The following FSTL5 variants were observed in gnomAD, a reference collection of about 807,000 sequenced individuals.
The protein encoded by FSTL5 is follistatin-related protein 5.
A neutral mutation model predicts 89.1 loss-of-function variants in FSTL5; 62 were observed. The ratio of observed to expected loss-of-function variants is 0.70; its 90% confidence interval spans 0.57 to 0.86. FSTL5 has a LOEUF of 0.86. Ranked by LOEUF, FSTL5 falls within the 40% of genes least tolerant of loss-of-function variation. The pLI, the probability that FSTL5 is intolerant of heterozygous loss-of-function variation, is 0.00. For missense variants in FSTL5, 1,057 were observed against 1,001.6 expected (o/e 1.06, Z -0.75); for synonymous variants, 383 against 346.2 (o/e 1.11, Z -1.18).
intron 4 of FSTL5, among the ~76,000 whole-genome samples, chr4:161,809,858 G>C (rs936704730): frequency 6.6e-6 from 1 of 152,150 alleles, no homozygotes; most frequent in East Asian, 1.9e-4. Flanking sequence ...ATATTTAATA[G>C]GTATAGAGTT....
At chr4:161,571,063 C>T (rs1732989979) in intron 8 of FSTL5, among the ~76,000 whole-genome samples, 1 of 151,618 alleles carries the variant, frequency 6.6e-6, no homozygotes, top group Admixed American at 6.6e-5. Flanking sequence ...GAGCCAAGAT[C>T]ACGCCACTGC....
At chr4:161,526,248 GAAATTATATTTAC>G (rs1731215629) in intron 10 of FSTL5, among the ~76,000 whole-genome samples, 1 of 152,100 alleles carries the variant, frequency 6.6e-6, no homozygotes, top group Admixed American at 6.6e-5. Flanking sequence ...TTTATAGTAA[GAAATTATATTTAC>G]AAACACAATT....
intron 6 of FSTL5, among the ~76,000 whole-genome samples, chr4:161,692,228 C>G (rs1363064800): frequency 6.6e-6 from 1 of 151,810 alleles, no homozygotes; most frequent in East Asian, 1.9e-4. Flanking sequence ...CATAAATATT[C>G]TTTATCACAT....
intron 3 of FSTL5, among the ~76,000 whole-genome samples, chr4:161,941,562 A>G (rs1734585884): frequency 1.3e-5 from 2 of 151,916 alleles, no homozygotes; most frequent in Non-Finnish European, 2.9e-5. Flanking sequence ...TAAGAACATT[A>G]TATATTGGTA....
intron 2 of FSTL5, among the ~76,000 whole-genome samples, chr4:162,099,913 A>C (rs138423608): frequency 3.9e-5 from 6 of 151,914 alleles, no homozygotes; most frequent in African/African-American, 1.5e-4. Flanking sequence ...AATACTGACA[A>C]CACCAAATGC....
intron 4 of FSTL5, among the ~76,000 whole-genome samples, chr4:161,848,045 A>AAC (rs1368245523): frequency 6.8e-6 from 1 of 147,646 alleles, no homozygotes; most frequent in African/African-American, 2.6e-5. Context: ...TCAAAAAAAA[A>AAC]AAAAAAAAAA....
At chr4:161,988,270 A>G (rs1190602086) in intron 3 of FSTL5, among the ~76,000 whole-genome samples, 1 of 152,138 alleles carries the variant, frequency 6.6e-6, no homozygotes, top group Non-Finnish European at 1.5e-5. Flanking sequence ...AAATGGGAAA[A>G]TCACAGATAG....
chr4:161,696,504 GA>G (rs1738174839), intron 6 of FSTL5, among the ~76,000 whole-genome samples: 1 of 152,096 alleles, frequency 6.6e-6, no homozygotes, highest in South Asian at 2.1e-4. Flanking sequence ...GGGGTATTTT[GA>G]TGGGAATTGC....
chr4:161,782,615 G>A (rs1579088814), intron 4 of FSTL5, among the ~76,000 whole-genome samples: 1 of 152,148 alleles, frequency 6.6e-6, no homozygotes, highest in South Asian at 2.1e-4. Context: ...TAAAAAGTGA[G>A]TGAAAACATG....
At chr4:161,687,625 A>G (rs1216454431) in intron 6 of FSTL5, among the ~76,000 whole-genome samples, 1 of 152,138 alleles carries the variant, frequency 6.6e-6, no homozygotes, top group Non-Finnish European at 1.5e-5. Context: ...TGGAAGGTCT[A>G]GGAAAGCCTC....
intron 3 of FSTL5, among the ~76,000 whole-genome samples, chr4:161,979,269 T>C (rs1735749239): frequency 6.6e-6 from 1 of 152,142 alleles, no homozygotes; most frequent in South Asian, 2.1e-4. Context: ...ATCAGAAACA[T>C]GTGGCATAGA....
chr4:161,549,431 T>C (rs757323901), intron 8 of FSTL5, among the ~76,000 whole-genome samples: 22 of 151,988 alleles, frequency 1.4e-4, no homozygotes, highest in Non-Finnish European at 3.1e-4. Context: ...AGGTTTTGCC[T>C]TATTTAATCA....
intron 4 of FSTL5, among the ~76,000 whole-genome samples, chr4:161,846,040 C>T (rs1281503579): frequency 1.9e-5 from 2 of 104,132 alleles, no homozygotes; most frequent in South Asian, 3.1e-4. Context: ...CAGAACAAGA[C>T]TCCGTCTCAA....
intron 3 of FSTL5, among the ~76,000 whole-genome samples, chr4:161,972,258 A>G (rs1578905443): frequency 6.6e-6 from 1 of 151,864 alleles, no homozygotes; most frequent in South Asian, 2.1e-4. Context: ...CGCCCAGCTA[A>G]TTTTTTGTAT....
chr4:162,096,474 C>T (rs1183981382), intron 2 of FSTL5, among the ~76,000 whole-genome samples: 3 of 151,846 alleles, frequency 2.0e-5, no homozygotes, highest in Non-Finnish European at 4.4e-5. Flanking sequence ...ATCAAGAGGG[C>T]TGGCTGCTCA....
rs551785266 is a variant in FSTL5 at position 162,061,214 on chromosome 4, C to G, written c.127-27556G>C. Among the ~76,000 whole-genome samples, 9 of 152,122 alleles carry G rather than the reference C, an allele frequency of 5.9e-5. No homozygotes were observed. In the East Asian group the frequency reaches 1.5e-3, roughly 26 times the overall value. ...AATAGGAGATAGGTTGAGAGACAAACAAGGAGTCACTAAGACAATGGAAGA... is the reference window on the plus strand; with the variant it reads ...AATAGGAGATAGGTTGAGAGACAAAGAAGGAGTCACTAAGACAATGGAAGA... On this transcript the variant is annotated intron_variant, in intron 2 of 15. Coordinates refer to ENST00000306100, the MANE Select transcript of FSTL5 (RefSeq NM_020116.5).
intron 2 of FSTL5, among the ~76,000 whole-genome samples, chr4:162,092,067 C>T (rs1345787845): frequency 2.6e-5 from 4 of 151,814 alleles, no homozygotes; most frequent in Non-Finnish European, 5.9e-5. Flanking sequence ...AATATTTTCA[C>T]AACTTTTTAA....
intron 6 of FSTL5, among the ~76,000 whole-genome samples, chr4:161,714,045 A>T (rs1444868204): frequency 1.3e-5 from 2 of 152,116 alleles, no homozygotes; most frequent in African/African-American, 4.8e-5. Context: ...CATTGTTTTA[A>T]ATTTTCTTTC....
intron 15 of FSTL5, among the ~76,000 whole-genome samples, chr4:161,449,296 T>G (rs1393353113): frequency 6.6e-6 from 1 of 152,128 alleles, no homozygotes; most frequent in African/African-American, 2.4e-5. Context: ...AAAATGGCAA[T>G]AATAAGTATA....
Sources: gnomAD v4.1 joint callset for allele counts (sites outside exome capture counted in the v4.1 genomes callset) on GRCh38, gnomAD v4.1.1 for gene constraint, MANE v1.5 for transcripts, NCBI Gene and HGNC (gene_info 2026-07-23, HGNC 2026-07-21) for gene names.